Variants in PLD4 observed in about 807,000 individuals in gnomAD.
The protein encoded by PLD4 is 5'-3' exonuclease PLD4.
In PLD4, 54 loss-of-function variants were observed where a neutral mutation model predicts 52.3. The ratio of observed to expected loss-of-function variants is 1.03; its 90% confidence interval spans 0.83 to 1.30. PLD4 has a LOEUF of 1.30. Ranked by LOEUF, PLD4 falls within the 50% of genes most tolerant of loss-of-function variation. The pLI, the probability that PLD4 is intolerant of heterozygous loss-of-function variation, is 0.00. For synonymous variants in PLD4, 264 were observed against 286.5 expected, an observed-to-expected ratio of 0.92 and a Z score of 0.79; for missense variants, 731 against 671.1, an observed-to-expected ratio of 1.09 and a Z score of -0.99.
intron 2 of PLD4, 98 bp downstream of exon 2, chr14:104,927,328 C>T (rs1897490611): frequency 9.1e-7 from 1 of 1,096,660 alleles, no homozygotes; most frequent in Non-Finnish European, 1.3e-6. Context: ...CTTGAGGGGG[C>T]CTCCAAGCAG....
intron 6 of PLD4, 80 bp from the exon 7 acceptor site, chr14:104,930,662 C>A (rs1897611396): frequency 6.7e-7 from 1 of 1,491,914 alleles, no homozygotes. Flanking sequence ...CCTGCCCCAA[C>A]ATCCCTGGCC....
Position 104,932,793 on chromosome 14 carries a change from CAGCA to C in PLD4, c.1351_1354del (p.Ser451AlafsTer110). On this transcript the variant is annotated frameshift_variant, in exon 11 of 11. Transcript: ENST00000392593. LOFTEE classifies it low-confidence loss of function (END_TRUNC). The surrounding 1 kb of genome is among the most constrained non-coding windows in gnomAD (Gnocchi z 6.5). ...CCTCCAACTGGTCGGAGGATTACTT[CAGCA>C]GCACGGCGGGGGTGGGCTTGGTGGT... 1 of 1,596,194 alleles carries C rather than the reference CAGCA, an allele frequency of 6.3e-7. No individual in the cohort carries two copies. Among genetic ancestry groups the C allele is most frequent in the Non-Finnish European group, 8.5e-7 (1 of 1,170,192 alleles).
chr14:104,937,350 C>T (rs1285517569), downstream of PLD4: 2 of 152,356 alleles, frequency 1.3e-5, no homozygotes, highest in East Asian at 3.9e-4. Context: ...ACTCAGGGGC[C>T]ACAGTGTGGG....
rs1897706666 is a variant in PLD4 at position 104,932,903 on chromosome 14, CG to C, written c.1461del (p.Arg488AlafsTer74). 6.2e-7 allele frequency: 1 copy of C among 1,602,060 alleles called. No homozygotes were observed. The highest frequency in any genetic ancestry group is 8.5e-7 in the Non-Finnish European group (1 of 1,175,398). ...CAGCTCTTTGAGCGGGACTGGAGTT[CG>C]CGCTACGCCGTCGGCCTGGACGGAC... Reference protein sequence around the residue: ...LRQLFERDWSSRYAVGLDGQA... With the variant: ...LRQLFERDWSXRYAVGLDGQA... On this transcript the variant is annotated frameshift_variant, in exon 11 of 11. Transcript: ENST00000392593. LOFTEE classifies it high-confidence loss of function. This position sits in a 1 kb window ranked among gnomAD's most constrained non-coding sequence, Gnocchi z 6.5.
Position 104,927,803 on chromosome 14 carries a change from A to G in PLD4, c.221A>G (p.His74Arg), listed in dbSNP as rs770830113. The G allele has an allele frequency of 1.9e-6, 3 of 1,596,746 alleles. No homozygotes were observed. Among genetic ancestry groups the G allele is most frequent in the South Asian group, 2.2e-5 (2 of 89,546 alleles). The change falls in exon 3 of 11, where the codon CAT becomes CGT. Residue 74 changes from histidine (H) to arginine (R), a missense_variant. His to Arg is a conservative substitution (Grantham distance 29). Coordinates refer to ENST00000392593, the MANE Select transcript of PLD4 (RefSeq NM_138790.5). ...QPKDVPRSWE[H>R]GSSPAWEPLE... is the part of the protein sequence containing the mutation. ...AAGGACGTGCCCAGGTCCTGGGAGC[A>G]TGGCTCCAGCCCAGCTTGGGAGCCC...
chr14:104,930,414 G>A (rs1228681930), intron 6 of PLD4, among the ~76,000 whole-genome samples: 1 of 152,188 alleles, frequency 6.6e-6, no homozygotes, highest in Non-Finnish European at 1.5e-5. Context: ...GTGTCAGAAT[G>A]GTCATGGCAA....
chr14:104,927,041 T>A, intron 1 of PLD4, 100 bp from the exon 2 acceptor site: 2 of 1,061,326 alleles, frequency 1.9e-6, no homozygotes, highest in Non-Finnish European at 2.5e-6. Flanking sequence ...CTTATGTGGG[T>A]GTCTGTGCAG....
Position 104,930,917 on chromosome 14 carries a change from G to A in PLD4, c.893G>A (p.Gly298Glu). ...CAGCCCTTCCACGGCCTCTTTGATGGGGTGCCCACCACTGCCTACTTCTCA... is the reference window on the plus strand; with the variant it reads ...CAGCCCTTCCACGGCCTCTTTGATGAGGTGCCCACCACTGCCTACTTCTCA... ...RFQPFHGLFD[G>E]VPTTAYFSAS... is the part of the protein sequence containing the mutation. Residue 298 changes from glycine to glutamate, a missense_variant, in exon 7 of 11, where the codon GGG (glycine) becomes GAG (glutamate). By Grantham distance (98) the Gly-to-Glu change is moderately conservative (BLOSUM62 -2). Coordinates refer to ENST00000392593, the MANE Select transcript of PLD4 (RefSeq NM_138790.5). The A allele has an allele frequency of 3.7e-6, 6 of 1,613,380 alleles. No individual in the cohort carries two copies. Among genetic ancestry groups the A allele is most frequent in the Non-Finnish European group, 5.1e-6 (6 of 1,180,002 alleles).
intron 4 of PLD4, 99 bp downstream of exon 4, chr14:104,929,031 C>A: frequency 7.0e-7 from 1 of 1,419,620 alleles, no homozygotes; most frequent in Non-Finnish European, 9.5e-7. Flanking sequence ...CCCGGGGGCT[C>A]AGCTTGGTGG....
downstream of PLD4, chr14:104,933,982 G>A (rs1235659782): frequency 9.5e-6 from 1 of 104,830 alleles, no homozygotes; most frequent in African/African-American, 4.0e-5. Context: ...TGAGTGAGGG[G>A]AGGGTGGGAG....
Position 104,931,995 on chromosome 14 carries a change from TCCCTCCCCA to T in PLD4, c.1059-13_1059-5del. The T allele has an allele frequency of 6.4e-7, 1 of 1,561,374 alleles. No individual in the cohort carries two copies. Among genetic ancestry groups the T allele is most frequent in the Non-Finnish European group, 8.7e-7 (1 of 1,155,156 alleles). ...GGCCCGGCTTGTAAGCAGAGCCCCG[TCCCTCCCCA>T]CCCCAAGGTACTGGCCGGTGCTGGA... On this transcript the variant is annotated splice_polypyrimidine_tract_variant and splice_region_variant and intron_variant, in intron 8 of 10. Coordinates refer to ENST00000392593, the MANE Select transcript of PLD4 (RefSeq NM_138790.5).
In PLD4 at chr14:104,931,686, G is replaced by T. The variant is rs1023176731; in HGVS notation, c.919-62G>T. 1.2e-5 allele frequency: 19 copies of T among 1,529,590 alleles called. No homozygotes were observed. In the South Asian group the frequency reaches 1.8e-4, roughly 15 times the overall value. The allele number at this position is 1,529,590 out of a possible 1,614,324, so 94.8% of individuals were successfully genotyped here. A position where few individuals can be genotyped will look rare whatever the true frequency, so the allele number is the denominator to read the frequency against. ...GGGGCCTCTTAGGTGGTGCATGGTG[G>T]GGTCACAAGTTCAGAATGGGCTGGG... On this transcript the variant is annotated intron_variant, in intron 7 of 10. Coordinates refer to ENST00000392593, the MANE Select transcript of PLD4 (RefSeq NM_138790.5).
chr14:104,926,302 G>A (rs375919345), intron 1 of PLD4, among the ~76,000 whole-genome samples: 269 of 152,312 alleles, frequency 1.8e-3, no homozygotes, highest in African/African-American at 6.0e-3. Context: ...CCCTGCACCC[G>A]GGGAGGGCGC....
At chr14:104,927,598 G>A in intron 2 of PLD4, 75 bp from the exon 3 acceptor site, 1 of 1,440,942 alleles carries the variant, frequency 6.9e-7, no homozygotes, top group Non-Finnish European at 9.3e-7. Context: ...TCTCAGCACT[G>A]GAGGGGCCAT....
Position 104,930,035 on chromosome 14 carries a change from A to G in PLD4, c.647A>G (p.Lys216Arg), listed in dbSNP as rs769381179. Residue 216 changes from lysine to arginine, a missense_variant, in exon 6 of 11, where the codon AAA (lysine) becomes AGA (arginine). Coordinates refer to ENST00000392593, the MANE Select transcript of PLD4 (RefSeq NM_138790.5). ...CTCACCAGGGGTGTTTTGCACTCCAAATTCTGGGTTGTGGATGGACGGCAC... is the reference window on the plus strand; with the variant it reads ...CTCACCAGGGGTGTTTTGCACTCCAGATTCTGGGTTGTGGATGGACGGCAC... Reference protein sequence around the residue: ...GRLTRGVLHSKFWVVDGRHIY... With the variant: ...GRLTRGVLHSRFWVVDGRHIY... The G allele has an allele frequency of 3.7e-6, 6 of 1,613,654 alleles. No individual in the cohort carries two copies. The highest frequency in any genetic ancestry group is 3.3e-4 in the Middle Eastern group (2 of 6,060).
chr14:104,930,972 A>C, intron 7 of PLD4, 30 bp downstream of exon 7: 3 of 1,605,898 alleles, frequency 1.9e-6, no homozygotes, highest in Non-Finnish European at 2.6e-6. Context: ...AGCCCATCAG[A>C]GGCCCCTGTT....
rs754969791 is a variant in PLD4 at position 104,928,955 on chromosome 14, C to T, written c.468+23C>T. 5.0e-5 allele frequency: 79 copies of T among 1,572,696 alleles called. No homozygotes were observed. The South Asian group carries it at 6.7e-4, about 13-fold the overall frequency. On this transcript the variant is annotated intron_variant, in intron 4 of 10. Transcript: ENST00000392593. ...CTGGTGCGCCCCGCCCTGGCCCCAC[C>T]GCATCCTGGTGCTGGAAACACAGCA...
In PLD4 at chr14:104,930,829, G is replaced by A; in HGVS notation, c.805G>A (p.Val269Met). ...KTFQTYWVLG[V>M]PKAVLPKTWP... ...CTTCCAGACCTACTGGGTACTGGGG[G>A]TGCCCAAGGCTGTCCTCCCCAAAAC... is the stretch of plus-strand genomic sequence containing the variant. Residue 269 changes from valine (V) to methionine (M), a missense_variant, in exon 7 of 11, where the codon GTG becomes ATG. Physicochemically the swap from Val to Met is conservative, Grantham distance 21. Coordinates refer to ENST00000392593, the MANE Select transcript of PLD4 (RefSeq NM_138790.5). 6.2e-7 allele frequency: 1 copy of A among 1,613,552 alleles called. No homozygotes were observed. The highest frequency in any genetic ancestry group is 8.5e-7 in the Non-Finnish European group (1 of 1,180,022).
At position 104,930,121 on chromosome 14, in the gene PLD4, C is replaced by T. The variant is rs1897595023; in HGVS notation, c.717+16C>T. ...TCTGACGCAGGTGAGTGCCAGGGCCCTAACACAGGAGGCCTGCCTGAAGCG... is the reference window on the plus strand; with the variant it reads ...TCTGACGCAGGTGAGTGCCAGGGCCTTAACACAGGAGGCCTGCCTGAAGCG... On this transcript the variant is annotated intron_variant, in intron 6 of 10. Transcript: ENST00000392593. 1 of 1,612,716 alleles carries T rather than the reference C, an allele frequency of 6.2e-7. No individual in the cohort carries two copies. Among genetic ancestry groups the T allele is most frequent in the African/African-American group, 1.3e-5 (1 of 75,054 alleles).
Sources: allele counts gnomAD v4.1 joint callset (sites outside exome capture counted in the v4.1 genomes callset), GRCh38; gene constraint gnomAD v4.1.1; non-coding constraint Gnocchi (gnomAD v3.1); transcripts MANE v1.5; gene names NCBI Gene and HGNC (gene_info 2026-07-23, HGNC 2026-07-21).